GPHN: variants seen among roughly 807,000 people sequenced by gnomAD.
GPHN encodes gephyrin.
In GPHN, 17 loss-of-function variants were observed where a neutral mutation model predicts 95.5. That is an observed-to-expected ratio of 0.18 (90% confidence interval 0.12 to 0.27). GPHN has a LOEUF of 0.27. GPHN is among the 10% of genes least tolerant of loss of function. The pLI, the probability that GPHN is intolerant of heterozygous loss-of-function variation, is 1.00. For missense variants in GPHN, 660 were observed against 978.1 expected, an observed-to-expected ratio of 0.67 and a Z score of 4.34; for synonymous variants, 320 against 322.5, an observed-to-expected ratio of 0.99 and a Z score of 0.08.
chr14:67,124,086 A>G (rs1338246374), intron 17 of GPHN, among the ~76,000 whole-genome samples: 9 of 151,998 alleles, frequency 5.9e-5, no homozygotes, highest in Admixed American at 2.6e-4. Flanking sequence ...AATCTTCACC[A>G]TTTGTATTTG....
intron 10 of GPHN, among the ~76,000 whole-genome samples, chr14:67,030,678 TG>T (rs1161377586): frequency 6.6e-6 from 1 of 152,192 alleles, no homozygotes; most frequent in Non-Finnish European, 1.5e-5. Flanking sequence ...TCTAGTATAC[TG>T]TAGTTTCCCT....
At chr14:67,221,729 AT>A in the GPHN span, 5 of 1,604,966 alleles carry the variant, frequency 3.1e-6, no homozygotes, top group African/African-American at 6.7e-5. Flanking sequence ...TTTTCTAAAT[AT>A]TTGTGGTTAT....
the GPHN span, chr14:67,727,486 T>TTG: frequency 9.3e-6 from 2 of 216,000 alleles, no homozygotes; most frequent in Non-Finnish European, 1.8e-5. Context: ...GTTTTTTTTG[T>TTG]TTTTTTTTTT....
the GPHN span, chr14:67,568,927 C>T: frequency 1.8e-6 from 1 of 541,640 alleles, no homozygotes. Flanking sequence ...TTGATTCTCA[C>T]AGCAGCCTGA....
the GPHN span, among the ~76,000 whole-genome samples, chr14:67,351,511 A>T: frequency 0.19 from 28,822 of 152,114 alleles, 4,366 homozygotes; most frequent in East Asian, 0.48. Flanking sequence ...TTAACTTTTT[A>T]TTATTTTTAT....
the GPHN span, among the ~76,000 whole-genome samples, chr14:67,262,046 A>C: frequency 6.6e-6 from 1 of 152,148 alleles, no homozygotes; most frequent in African/African-American, 2.4e-5. Context: ...TACCCATCTG[A>C]ATTTTAGTTA....
At chr14:67,706,625 G>C in the GPHN span, among the ~76,000 whole-genome samples, 1 of 152,212 alleles carries the variant, frequency 6.6e-6, no homozygotes, top group Non-Finnish European at 1.5e-5. Flanking sequence ...GAGGCAATCA[G>C]ATACGCATTT....
chr14:67,331,498 C>G, the GPHN span, among the ~76,000 whole-genome samples: 4 of 152,072 alleles, frequency 2.6e-5, no homozygotes, highest in African/African-American at 9.7e-5. Flanking sequence ...ATCTCTGAAT[C>G]TGTTCTGCTA....
the GPHN span, among the ~76,000 whole-genome samples, chr14:67,268,668 C>A: frequency 3.7e-4 from 57 of 152,124 alleles, no homozygotes; most frequent in African/African-American, 1.3e-3. Context: ...AGCATGCTAA[C>A]GCATTATAAT....
At chr14:66,564,434 A>G (rs1022164479) in intron 1 of GPHN, among the ~76,000 whole-genome samples, 1 of 152,138 alleles carries the variant, frequency 6.6e-6, no homozygotes, top group African/African-American at 2.4e-5. Flanking sequence ...TTACTTTTCC[A>G]TGTTTACTTA....
At chr14:66,988,455 A>G (rs2071173709) in intron 9 of GPHN, among the ~76,000 whole-genome samples, 1 of 152,054 alleles carries the variant, frequency 6.6e-6, no homozygotes, top group Non-Finnish European at 1.5e-5. Flanking sequence ...TTCAAGGAAA[A>G]TAATCAGTGT....
chr14:66,652,183 C>T (rs1177962598), intron 1 of GPHN, among the ~76,000 whole-genome samples: 1 of 152,068 alleles, frequency 6.6e-6, no homozygotes, highest in Non-Finnish European at 1.5e-5. Context: ...ATTTATTAAA[C>T]ACCTATCATA....
intron 2 of GPHN, among the ~76,000 whole-genome samples, chr14:66,724,550 G>C (rs1020898157): frequency 2.6e-5 from 4 of 152,130 alleles, no homozygotes; most frequent in African/African-American, 9.7e-5. Context: ...GTCTAACAGG[G>C]GTAGATAGAG....
At chr14:66,535,004 C>G (rs1335583831) in intron 1 of GPHN, among the ~76,000 whole-genome samples, 86 of 151,912 alleles carry the variant, frequency 5.7e-4, no homozygotes, top group Non-Finnish European at 1.5e-5. Flanking sequence ...ATCAAGTTTG[C>G]TTTTTATGGT....
chr14:67,393,212 T>G, the GPHN span: 2 of 1,613,964 alleles, frequency 1.2e-6, no homozygotes, highest in East Asian at 4.5e-5. Context: ...GATTCCGGTG[T>G]TGCTATCGTG....
the GPHN span, among the ~76,000 whole-genome samples, chr14:67,232,757 C>T: frequency 6.6e-6 from 1 of 152,122 alleles, no homozygotes; most frequent in African/African-American, 2.4e-5. Context: ...GAAAAAAAAT[C>T]AGTGCATTTT....
At chr14:67,725,939 AC>A in the GPHN span, 1 of 804,634 alleles carries the variant, frequency 1.2e-6, no homozygotes, top group Non-Finnish European at 2.2e-6. Flanking sequence ...TCAAAATGTT[AC>A]CCCAACAAAG....
chr14:66,928,885 T>A (rs972476369), intron 8 of GPHN, among the ~76,000 whole-genome samples: 4 of 152,098 alleles, frequency 2.6e-5, no homozygotes, highest in Admixed American at 2.6e-4. Context: ...AAGATACATA[T>A]GATTTCAGTT....
chr14:66,967,751 A>G (rs941677865), intron 9 of GPHN, among the ~76,000 whole-genome samples: 2 of 151,852 alleles, frequency 1.3e-5, no homozygotes, highest in Non-Finnish European at 2.9e-5. Flanking sequence ...TTTAAATACA[A>G]TGCATGCTAA....
Sources: gnomAD v4.1 joint callset for allele counts (sites outside exome capture counted in the v4.1 genomes callset) on GRCh38, gnomAD v4.1.1 for gene constraint, MANE v1.5 for transcripts, NCBI Gene and HGNC (gene_info 2026-07-23, HGNC 2026-07-21) for gene names.